Variants in SPDYE6 observed in about 807,000 individuals in gnomAD.
SPDYE6 encodes speedy protein E6.
For synonymous variants in SPDYE6, 2 were observed against 103.0 expected (o/e 0.02, Z 5.94); for missense variants, 8 against 297.9 (o/e 0.03, Z 7.16).
chr7:102,346,358 G>A lies in SPDYE6; in HGVS notation c.*909C>T, dbSNP rs1162691163. On this transcript the variant is annotated 3_prime_UTR_variant, in exon 8 of 8. Coordinates refer to ENST00000563237, the MANE Select transcript of SPDYE6 (RefSeq NM_001146210.4). The stretch of plus-strand genomic sequence containing the variant: ...ATAAAATAGATAGTATATATTAGAC[G>A]TGTTAGTATATATATCTGAGACATG... Among the ~76,000 whole-genome samples, 82 of 147,970 alleles carry A rather than the reference G, an allele frequency of 5.5e-4. No individual in the cohort carries two copies. Among genetic ancestry groups the A allele is most frequent in the Admixed American group, 1.3e-3 (20 of 14,866 alleles).
chr7:102,352,400 G>A (rs1286296806), intron 3 of SPDYE6, among the ~76,000 whole-genome samples: 4,558 of 140,106 alleles, frequency 0.033, 3 homozygotes, highest in African/African-American at 0.13. Flanking sequence ...CAGACACGGA[G>A]GGACCACTGC....
In SPDYE6 at chr7:102,346,879, T is replaced by G. The variant is rs1340511594; in HGVS notation, c.*388A>C. Among the ~76,000 whole-genome samples the G allele has an allele frequency of 2.6e-5, 4 of 151,988 alleles. No individual in the cohort carries two copies. The highest frequency in any genetic ancestry group is 4.4e-5 in the Non-Finnish European group (3 of 67,976). ...GCCCCTGCATTGTGCCTTCAAATCC[T>G]CCTGGACTGCAAGTCCGTAAGAAAC... On this transcript the variant is annotated 3_prime_UTR_variant, in exon 8 of 8. Transcript: ENST00000563237.
intron 2 of SPDYE6, among the ~76,000 whole-genome samples, chr7:102,353,641 T>G (rs1794607906): frequency 1.0e-5 from 1 of 99,910 alleles, no homozygotes; most frequent in Admixed American, 9.9e-5. Context: ...GAGTCCCTTT[T>G]TTTTTTTTTT....
In SPDYE6 at chr7:102,346,610, G is replaced by T. The variant is rs1344284088; in HGVS notation, c.*657C>A. On this transcript the variant is annotated 3_prime_UTR_variant, in exon 8 of 8. Coordinates refer to ENST00000563237, the MANE Select transcript of SPDYE6 (RefSeq NM_001146210.4). ...ATAAAATATTTAGGATAAAAGAATT[G>T]TCTCTTAAAAATGAAAAGAAAATTA... 2.0e-5 allele frequency among the ~76,000 whole-genome samples: 3 copies of T among 151,388 alleles called. No individual in the cohort carries two copies. The highest frequency in any genetic ancestry group is 2.9e-5 in the Non-Finnish European group (2 of 67,852).
At position 102,346,088 on chromosome 7, in the gene SPDYE6, G is replaced by T. The variant is rs1429987605; in HGVS notation, c.*1179C>A. Among the ~76,000 whole-genome samples the T allele has an allele frequency of 6.6e-6, 1 of 151,358 alleles. No individual in the cohort carries two copies. The highest frequency in any genetic ancestry group is 1.5e-5 in the Non-Finnish European group (1 of 67,832). Reference sequence around the variant, plus strand: ...CAAAGATTGAAAGGTAAAAGATTTAGGATGAAAAGAATCCTCTCTTAAAAA... The same window carrying T: ...CAAAGATTGAAAGGTAAAAGATTTATGATGAAAAGAATCCTCTCTTAAAAA... On this transcript the variant is annotated 3_prime_UTR_variant, in exon 8 of 8. Coordinates refer to ENST00000563237, the MANE Select transcript of SPDYE6 (RefSeq NM_001146210.4).
intron 2 of SPDYE6, among the ~76,000 whole-genome samples, chr7:102,353,653 T>TG (rs1586628176): frequency 9.7e-4 from 144 of 148,956 alleles, no homozygotes; most frequent in Middle Eastern, 6.8e-3. Context: ...TTTTTTTTTT[T>TG]TTTCGTTGTT....
intron 1 of SPDYE6, among the ~76,000 whole-genome samples, chr7:102,355,542 T>TTC (rs1298879117): frequency 1.1e-3 from 4 of 3,488 alleles, no homozygotes; most frequent in Non-Finnish European, 2.6e-3. Context: ...TTCTTTTCTT[T>TTC]TTTTTTTTTT....
In SPDYE6 at chr7:102,355,544, T is replaced by TC. The variant is rs1344278785; in HGVS notation, c.160+319_160+320insG. Among the ~76,000 whole-genome samples, 5 of 3,516 alleles carry TC rather than the reference T, an allele frequency of 1.4e-3. No homozygotes were observed. In the East Asian group the frequency reaches 0.018, roughly 13 times the overall value. 2.3% of individuals were successfully genotyped at this position (3,516 alleles called of 152,430 possible). A position where few individuals can be genotyped will look rare whatever the true frequency, so the allele number is the denominator to read the frequency against. The stretch of plus-strand genomic sequence containing the variant: ...TGACCACTGACCCTTCTTTTCTTTT[T>TC]TTTTTTTTTTGGAGTGCAGTAGTGT... On this transcript the variant is annotated intron_variant, in intron 1 of 7. Coordinates refer to ENST00000563237, the MANE Select transcript of SPDYE6 (RefSeq NM_001146210.4).
rs1420786955 is a variant in SPDYE6, at chr7:102,346,368, A to G, written c.*899T>C. Among the ~76,000 whole-genome samples the G allele has an allele frequency of 6.7e-5, 10 of 148,888 alleles. No homozygotes were observed. The highest frequency in any genetic ancestry group is 1.3e-4 in the Non-Finnish European group (9 of 66,888). On this transcript the variant is annotated 3_prime_UTR_variant, in exon 8 of 8. Coordinates refer to ENST00000563237, the MANE Select transcript of SPDYE6 (RefSeq NM_001146210.4). ...TAGTATATATTAGACGTGTTAGTAT[A>G]TATATCTGAGACATGTTAAAAATCA...
chr7:102,354,342 GT>G (rs1794622437), intron 2 of SPDYE6, among the ~76,000 whole-genome samples: 1 of 10,140 alleles, frequency 9.9e-5, no homozygotes, highest in African/African-American at 3.2e-4. Context: ...TTGACACAGG[GT>G]TTTGCTCTGT....
intron 3 of SPDYE6, among the ~76,000 whole-genome samples, chr7:102,352,434 A>T (rs1319528515): frequency 2.8e-5 from 4 of 142,598 alleles, no homozygotes; most frequent in Non-Finnish European, 4.7e-5. Context: ...AATTCCCATC[A>T]TTTCCTCATG....
In SPDYE6 at chr7:102,346,042, C is replaced by G. The variant is rs1283023608; in HGVS notation, c.*1225G>C. On this transcript the variant is annotated 3_prime_UTR_variant, in exon 8 of 8. Transcript: ENST00000563237. ...TAGATAAAATCCATGCTCCCTTCAG[C>G]AGCACGTGTAATAATAGATACAAAG... is the stretch of plus-strand genomic sequence containing the variant. 6.6e-6 allele frequency among the ~76,000 whole-genome samples: 1 copy of G among 151,506 alleles called. No homozygotes were observed. The highest frequency in any genetic ancestry group is 1.5e-5 in the Non-Finnish European group (1 of 67,898).
At chr7:102,354,061 A>C (rs1586628452) in intron 2 of SPDYE6, among the ~76,000 whole-genome samples, 2 of 33,792 alleles carry the variant, frequency 5.9e-5, no homozygotes, top group Non-Finnish European at 5.5e-5. Flanking sequence ...ACAGCGTCTC[A>C]CTCTCTCACC....
intron 2 of SPDYE6, among the ~76,000 whole-genome samples, chr7:102,353,669 C>T (rs575833981): frequency 2.1e-4 from 32 of 149,594 alleles, no homozygotes; most frequent in African/African-American, 7.6e-4. Context: ...TTGTTGTTGT[C>T]GTTGTTGTTG....
Position 102,347,020 on chromosome 7 carries a change from A to T in SPDYE6, c.*247T>A, listed in dbSNP as rs1794508226. Among the ~76,000 whole-genome samples the T allele has an allele frequency of 2.0e-5, 3 of 146,508 alleles. No homozygotes were observed. Among genetic ancestry groups the T allele is most frequent in the African/African-American group, 7.4e-5 (3 of 40,674 alleles). The stretch of plus-strand genomic sequence containing the variant: ...CCTGGTTTCTTACTTTTCTCCAAGG[A>T]CTCCTAGAAGGACCCCACCCCCCTC... On this transcript the variant is annotated 3_prime_UTR_variant, in exon 8 of 8. Coordinates refer to ENST00000563237, the MANE Select transcript of SPDYE6 (RefSeq NM_001146210.4).
At position 102,346,015 on chromosome 7, in the gene SPDYE6, C is replaced by T. The variant is rs1794489368; in HGVS notation, c.*1252G>A. Among the ~76,000 whole-genome samples, 1 of 151,592 alleles carries T rather than the reference C, an allele frequency of 6.6e-6. No homozygotes were observed. Among genetic ancestry groups the T allele is most frequent in the Non-Finnish European group, 1.5e-5 (1 of 67,924 alleles). On this transcript the variant is annotated 3_prime_UTR_variant, in exon 8 of 8. Coordinates refer to ENST00000563237, the MANE Select transcript of SPDYE6 (RefSeq NM_001146210.4). The stretch of plus-strand genomic sequence containing the variant: ...TGTAATATATATGTTAACTAAGTAT[C>T]ATAGATAAAATCCATGCTCCCTTCA...
intron 3 of SPDYE6, among the ~76,000 whole-genome samples, chr7:102,352,609 A>ATT (rs1794592837): frequency 7.2e-5 from 9 of 124,380 alleles, no homozygotes; most frequent in Admixed American, 2.5e-4. Flanking sequence ...TTTTATTTTT[A>ATT]TTTATTTATT....
chr7:102,346,965 G>A lies in SPDYE6; in HGVS notation c.*302C>T, dbSNP rs1346192490. The stretch of plus-strand genomic sequence containing the variant: ...TCAGCAATATAAAAAGGGTGGTGGT[G>A]CCGCAGGAAAGGGTGGAACTGGAAA... On this transcript the variant is annotated 3_prime_UTR_variant, in exon 8 of 8. Coordinates refer to ENST00000563237, the MANE Select transcript of SPDYE6 (RefSeq NM_001146210.4). Among the ~76,000 whole-genome samples the A allele has an allele frequency of 6.6e-6, 1 of 151,846 alleles. No homozygotes were observed. The highest frequency in any genetic ancestry group is 2.4e-5 in the African/African-American group (1 of 41,388).
chr7:102,351,681 C>T (rs1794567329), intron 4 of SPDYE6, among the ~76,000 whole-genome samples: 3 of 85,562 alleles, frequency 3.5e-5, no homozygotes, highest in Admixed American at 2.8e-4. Flanking sequence ...GCGGGTGGAT[C>T]GCCTGAGGTC....
Sources: gnomAD v4.1 joint callset for allele counts (sites outside exome capture counted in the v4.1 genomes callset) on GRCh38, gnomAD v4.1.1 for gene constraint, MANE v1.5 for transcripts, NCBI Gene and HGNC (gene_info 2026-07-23, HGNC 2026-07-21) for gene names.